PTPRG: variants seen among roughly 807,000 people sequenced by gnomAD.
PTPRG encodes the protein receptor-type tyrosine-protein phosphatase gamma.
PTPRG carries 102 observed loss-of-function variants against 165.3 expected under a neutral mutation model. That is an observed-to-expected ratio of 0.62 (90% CI 0.53 to 0.73). The LOEUF is 0.73. Among genes scored for constraint, PTPRG ranks in the 30% least tolerant of loss-of-function variants. The pLI, the probability that PTPRG is intolerant of heterozygous loss-of-function variation, is 0.00. For missense variants in PTPRG, 1,866 were observed against 1,861.4 expected, an observed-to-expected ratio of 1.00 and a Z score of -0.05; for synonymous variants, 675 against 669.5, an observed-to-expected ratio of 1.01 and a Z score of -0.13.
intron 1 of PTPRG, among the ~76,000 whole-genome samples, chr3:61,677,748 G>A (rs115957213): frequency 0.026 from 4,033 of 152,264 alleles, 98 homozygotes; most frequent in Non-Finnish European, 0.034. Context: ...GAGTGGTAGA[G>A]TGGCTTGCTT....
chr3:62,295,348 A>ATAGAG lies in PTPRG; in HGVS notation c.*2044_*2048dup, dbSNP rs1476439863. Reference sequence around the variant, plus strand: ...CAATTAAGTGGGTTGTTTTAGATGTATAGAGTATTGATATGAGTTAACACT... The same window carrying ATAGAG: ...CAATTAAGTGGGTTGTTTTAGATGTATAGAGTAGAGTATTGATATGAGTTAACACT... On this transcript the variant is annotated 3_prime_UTR_variant, in exon 30 of 30. Transcript: ENST00000474889. 1 of 152,112 alleles carries ATAGAG rather than the reference A, an allele frequency of 6.6e-6. No homozygotes were observed. The highest frequency in any genetic ancestry group is 1.5e-5 in the Non-Finnish European group (1 of 68,002). The allele number at this position is 152,112 out of a possible 1,614,324, so 9.4% of individuals were successfully genotyped here. A position where few individuals can be genotyped will look rare whatever the true frequency, so the allele number is the denominator to read the frequency against.
At chr3:61,677,162 T>C (rs1035994879) in intron 1 of PTPRG, among the ~76,000 whole-genome samples, 2 of 150,976 alleles carry the variant, frequency 1.3e-5, no homozygotes, top group Non-Finnish European at 2.9e-5. Flanking sequence ...GGAGAATCGC[T>C]TGAACCCAGG....
At chr3:61,684,396 G>T (rs1703553679) in intron 1 of PTPRG, among the ~76,000 whole-genome samples, 1 of 152,120 alleles carries the variant, frequency 6.6e-6, no homozygotes, top group Non-Finnish European at 1.5e-5. Flanking sequence ...TTTTCTTTTG[G>T]CATCTTTTGG....
intron 12 of PTPRG, among the ~76,000 whole-genome samples, chr3:62,216,326 G>A (rs1025201061): frequency 1.3e-5 from 2 of 152,224 alleles, no homozygotes; most frequent in Admixed American, 6.5e-5. Flanking sequence ...TCTGTGGTTC[G>A]GGATGAATAG....
chr3:62,064,886 C>G (rs1467673880), intron 4 of PTPRG, among the ~76,000 whole-genome samples: 1 of 151,990 alleles, frequency 6.6e-6, no homozygotes, highest in Non-Finnish European at 1.5e-5. Context: ...CGCGTGCCAC[C>G]ACGCCAAGCT....
chr3:61,653,868 G>A (rs1409563133), intron 1 of PTPRG, among the ~76,000 whole-genome samples: 2 of 142,834 alleles, frequency 1.4e-5, no homozygotes, highest in Non-Finnish European at 3.0e-5. Flanking sequence ...ACTAGAAGCA[G>A]CATGTGTGCA....
Position 61,562,185 on chromosome 3 carries a change from A to C in PTPRG, c.-103A>C. The C allele has an allele frequency of 2.1e-6, 2 of 972,326 alleles. No individual in the cohort carries two copies. The highest frequency in any genetic ancestry group is 3.0e-5 in the East Asian group (1 of 33,646). 60.2% of individuals were successfully genotyped at this position (972,326 alleles called of 1,614,324 possible). A position where few individuals can be genotyped will look rare whatever the true frequency, so the allele number is the denominator to read the frequency against. ...GCGCGGGGGGCCCGTGGAGCGGGCG[A>C]GCCGGGGAAGCGCCCCGGCTTAGCG... On this transcript the variant is annotated 5_prime_UTR_variant, in exon 1 of 30. Transcript: ENST00000474889.
At chr3:62,003,239 G>A in intron 3 of PTPRG, 110 bp from the exon 4 acceptor site, 2 of 1,262,226 alleles carry the variant, frequency 1.6e-6, no homozygotes, top group Non-Finnish European at 2.2e-6. Context: ...AGGTACATGA[G>A]GACATAATTC....
chr3:62,265,316 T>C (rs1701828931), intron 17 of PTPRG, among the ~76,000 whole-genome samples: 1 of 152,212 alleles, frequency 6.6e-6, no homozygotes. Flanking sequence ...CAACAATTGT[T>C]TCTGAATTGT....
In PTPRG at chr3:62,160,671, A is replaced by G. The variant is rs183712691; in HGVS notation, c.840+3447A>G. On this transcript the variant is annotated intron_variant, in intron 7 of 29. Transcript: ENST00000474889. ...TTTCTTCTAGAATAGTGCTTCTCAG[A>G]TGATGGTTCTTTGCCCATAGGCAAC... is the stretch of plus-strand genomic sequence containing the variant. Among the ~76,000 whole-genome samples, 312 of 152,356 alleles carry G rather than the reference A, an allele frequency of 2.0e-3. 1 individual carries two copies. Among genetic ancestry groups the G allele is most frequent in the Non-Finnish European group, 2.7e-3 (181 of 68,036 alleles).
intron 4 of PTPRG, among the ~76,000 whole-genome samples, chr3:62,039,315 G>A (rs2079267): frequency 0.24 from 36,738 of 150,240 alleles, 4,941 homozygotes; most frequent in Middle Eastern, 0.35. Flanking sequence ...CTTCTAACAC[G>A]TATATACAAC....
intron 1 of PTPRG, chr3:61,659,579 C>T: frequency 2.1e-6 from 1 of 471,978 alleles, no homozygotes; most frequent in Non-Finnish European, 2.8e-6. Flanking sequence ...CTTTGAGTGT[C>T]ATGTTCCTTC....
At chr3:61,562,456 C>A (rs926749167) in intron 1 of PTPRG, 84 bp downstream of exon 1, 2 of 1,366,156 alleles carry the variant, frequency 1.5e-6, no homozygotes, top group African/African-American at 1.4e-5. Context: ...GGAGCTCCGG[C>A]GCCCGTCCGG....
rs1011728694 is a variant in PTPRG, at chr3:61,830,554, C to G, written c.190+81572C>G. Among the ~76,000 whole-genome samples, 170 of 115,564 alleles carry G rather than the reference C, an allele frequency of 1.5e-3. 1 individual carries two copies. Among genetic ancestry groups the G allele is most frequent in the African/African-American group, 4.7e-3 (156 of 33,238 alleles). 75.8% of individuals were successfully genotyped at this position (115,564 alleles called of 152,430 possible). A position where few individuals can be genotyped will look rare whatever the true frequency, so the allele number is the denominator to read the frequency against. ...GACTTACTTAAAACTGGTGATGGTT[C>G]TTTTTGTTTTTGTTTTTTTTTTTTT... On this transcript the variant is annotated intron_variant, in intron 2 of 29. Coordinates refer to ENST00000474889, the MANE Select transcript of PTPRG (RefSeq NM_002841.4).
intron 1 of PTPRG, among the ~76,000 whole-genome samples, chr3:61,731,373 G>A (rs1268004245): frequency 1.4e-5 from 2 of 144,324 alleles, no homozygotes; most frequent in African/African-American, 2.6e-5. Flanking sequence ...TTTTTGAGAC[G>A]GAGTCTTGCT....
At chr3:62,026,801 G>A (rs1269377237) in intron 4 of PTPRG, among the ~76,000 whole-genome samples, 2 of 150,792 alleles carry the variant, frequency 1.3e-5, no homozygotes, top group South Asian at 2.1e-4. Context: ...CAGGAGAATC[G>A]CTTGAACCCG....
At chr3:62,054,333 C>T (rs7615943) in intron 4 of PTPRG, among the ~76,000 whole-genome samples, 117,865 of 152,118 alleles carry the variant, frequency 0.77, 46,106 homozygotes, top group South Asian at 0.87. Context: ...TAATGGGTTT[C>T]TTTCTTCTAT....
intron 1 of PTPRG, among the ~76,000 whole-genome samples, chr3:61,731,403 C>G (rs921829639): frequency 6.9e-6 from 1 of 145,124 alleles, no homozygotes; most frequent in Non-Finnish European, 1.5e-5. Flanking sequence ...GGCTGGAGTG[C>G]AGTGTCACAA....
chr3:61,813,462 G>C (rs1383393294), intron 2 of PTPRG, among the ~76,000 whole-genome samples: 1 of 149,566 alleles, frequency 6.7e-6, no homozygotes, highest in East Asian at 1.9e-4. Context: ...GTTGCGTTGA[G>C]CTGAGATCGT....
Sources: allele counts gnomAD v4.1 joint callset (sites outside exome capture counted in the v4.1 genomes callset), GRCh38; gene constraint gnomAD v4.1.1; transcripts MANE v1.5; gene names NCBI Gene and HGNC (gene_info 2026-07-23, HGNC 2026-07-21).